The following TSPAN5 variants were observed in gnomAD, a reference collection of about 807,000 sequenced individuals.
TSPAN5 encodes the protein tetraspanin-5.
Under a neutral mutation model 37.1 loss-of-function variants are expected in TSPAN5, and 10 were observed. The observed-to-expected ratio is 0.27, with a 90% CI of 0.17 to 0.46. The LOEUF (loss-of-function observed/expected upper bound fraction) is 0.46, where lower values mean the gene tolerates loss of function less well. Among genes scored for constraint, TSPAN5 ranks in the 20% least tolerant of loss-of-function variants. The pLI, the probability that TSPAN5 is intolerant of heterozygous loss-of-function variation, is 1.00. For missense variants in TSPAN5, 195 were observed against 326.6 expected, an observed-to-expected ratio of 0.60 and a Z score of 3.11; for synonymous variants, 110 against 118.9, an observed-to-expected ratio of 0.93 and a Z score of 0.48.
intron 1 of TSPAN5, among the ~76,000 whole-genome samples, chr4:98,582,059 G>C (rs1755380510): frequency 6.6e-6 from 1 of 152,200 alleles, no homozygotes; most frequent in Admixed American, 6.5e-5. Flanking sequence ...GTGGGACATG[G>C]GCTGTAGGGA....
At chr4:98,643,712 G>T (rs1757004622) in intron 1 of TSPAN5, among the ~76,000 whole-genome samples, 1 of 152,046 alleles carries the variant, frequency 6.6e-6, no homozygotes, top group Non-Finnish European at 1.5e-5. Context: ...GCAGGGTCAG[G>T]AAAAAATATG....
At chr4:98,541,390 A>G (rs1471220570) in intron 1 of TSPAN5, among the ~76,000 whole-genome samples, 2 of 152,002 alleles carry the variant, frequency 1.3e-5, no homozygotes, top group Admixed American at 1.3e-4. Context: ...AAAATGTGGG[A>G]TAGGCTGGGC....
chr4:98,470,899 A>G lies in TSPAN5; in HGVS notation c.*1623T>C, dbSNP rs1752567627. On this transcript the variant is annotated 3_prime_UTR_variant, in exon 8 of 8. Transcript: ENST00000305798. ...AAGTATTCTAGCTGGCTGCCCAGTTATGTGCTGGCAAATCTGTCCGCACCG... is the reference window on the plus strand; with the variant it reads ...AAGTATTCTAGCTGGCTGCCCAGTTGTGTGCTGGCAAATCTGTCCGCACCG... 1.3e-5 allele frequency: 2 copies of G among 152,238 alleles called. No homozygotes were observed. The highest frequency in any genetic ancestry group is 4.8e-5 in the African/African-American group (2 of 41,458). The allele number at this position is 152,238 out of a possible 1,614,324, so 9.4% of individuals were successfully genotyped here.
intron 2 of TSPAN5, among the ~76,000 whole-genome samples, chr4:98,498,185 C>T (rs1753259302): frequency 6.6e-6 from 1 of 152,142 alleles, no homozygotes; most frequent in Non-Finnish European, 1.5e-5. Flanking sequence ...ACCAGCCAGG[C>T]AGGCACTCTT....
chr4:98,612,974 C>A (rs960061592), intron 1 of TSPAN5, among the ~76,000 whole-genome samples: 22 of 152,178 alleles, frequency 1.4e-4, no homozygotes, highest in Admixed American at 7.2e-4. Flanking sequence ...TCACAATTTA[C>A]AATTATGGTT....
chr4:98,567,130 G>A (rs973408135), intron 1 of TSPAN5, among the ~76,000 whole-genome samples: 6 of 152,296 alleles, frequency 3.9e-5, no homozygotes, highest in African/African-American at 1.4e-4. Flanking sequence ...CCTACTCCCA[G>A]CACAAAATCC....
intron 1 of TSPAN5, among the ~76,000 whole-genome samples, chr4:98,518,094 CT>C (rs535091902): frequency 0.068 from 9,059 of 132,662 alleles, 755 homozygotes; most frequent in African/African-American, 0.21. Flanking sequence ...AACATCTTGA[CT>C]TTTTTTTTTT....
chr4:98,604,994 G>C (rs1755971530), intron 1 of TSPAN5, among the ~76,000 whole-genome samples: 1 of 151,968 alleles, frequency 6.6e-6, no homozygotes, highest in African/African-American at 2.4e-5. Context: ...ATCCCAAACT[G>C]AATTCACTCG....
At chr4:98,657,585 T>C (rs1437218174) in intron 1 of TSPAN5, 1 of 159,722 alleles carries the variant, frequency 6.3e-6, no homozygotes, top group Non-Finnish European at 1.4e-5. Flanking sequence ...GGAAACGTTA[T>C]TTACGTGCAA....
intron 2 of TSPAN5, among the ~76,000 whole-genome samples, chr4:98,497,830 G>A (rs1753250542): frequency 6.6e-6 from 1 of 152,148 alleles, no homozygotes; most frequent in Non-Finnish European, 1.5e-5. Context: ...GGGGTGCATG[G>A]GGAGGGGCAG....
intron 1 of TSPAN5, among the ~76,000 whole-genome samples, chr4:98,616,757 G>A (rs1031189796): frequency 6.6e-6 from 1 of 151,946 alleles, no homozygotes; most frequent in African/African-American, 2.4e-5. Flanking sequence ...ACAACAAATG[G>A]GACAAGATCA....
chr4:98,599,751 T>A (rs1232349911), intron 1 of TSPAN5, among the ~76,000 whole-genome samples: 1 of 152,242 alleles, frequency 6.6e-6, no homozygotes, highest in Non-Finnish European at 1.5e-5. Context: ...GTTGTATGTA[T>A]CTGTAAATTT....
chr4:98,563,747 T>G (rs1323236563), intron 1 of TSPAN5, among the ~76,000 whole-genome samples: 1 of 152,220 alleles, frequency 6.6e-6, no homozygotes, highest in Non-Finnish European at 1.5e-5. Flanking sequence ...TAGCAAGACG[T>G]GCTGTGTCAA....
intron 1 of TSPAN5, among the ~76,000 whole-genome samples, chr4:98,585,678 T>G (rs1560547660): frequency 6.6e-6 from 1 of 152,210 alleles, no homozygotes; most frequent in Non-Finnish European, 1.5e-5. Flanking sequence ...GAACATGTAG[T>G]ATTTTACTTT....
chr4:98,537,075 G>A (rs1489827859), intron 1 of TSPAN5, among the ~76,000 whole-genome samples: 4 of 152,180 alleles, frequency 2.6e-5, no homozygotes, highest in Non-Finnish European at 4.4e-5. Flanking sequence ...CTAGTTCGGC[G>A]TCTGCCCAAA....
intron 1 of TSPAN5, among the ~76,000 whole-genome samples, chr4:98,533,541 A>ATATTTTTTTTT (rs1754149539): frequency 3.0e-5 from 1 of 33,420 alleles, no homozygotes; most frequent in South Asian, 1.8e-3. Context: ...TATCCCCTAT[A>ATATTTTTTTTT]TCTTTTTTTT....
rs28649922 is a variant in TSPAN5, at chr4:98,471,986, G to A, written c.*536C>T. The A allele has an allele frequency of 0.05, 7,691 of 152,316 alleles. 460 individuals carry two copies. Among genetic ancestry groups the A allele is most frequent in the African/African-American group, 0.15 (6,212 of 41,500 alleles). The allele number at this position is 152,316 out of a possible 1,614,324, so 9.4% of individuals were successfully genotyped here. A position where few individuals can be genotyped will look rare whatever the true frequency, so the allele number is the denominator to read the frequency against. On this transcript the variant is annotated 3_prime_UTR_variant, in exon 8 of 8. Transcript: ENST00000305798. The stretch of plus-strand genomic sequence containing the variant: ...CATCACAAAATCTGAACCCAAAGAT[G>A]AGTTGTTTTCTTCTTCAGATGAGAG...
chr4:98,521,846 T>TA (rs1002570767), intron 1 of TSPAN5, among the ~76,000 whole-genome samples: 1 of 55,436 alleles, frequency 1.8e-5, no homozygotes, highest in South Asian at 9.9e-4. Flanking sequence ...GTGGGTTCTG[T>TA]TTTTTTTGTT....
In TSPAN5 at chr4:98,478,701, C is replaced by A. The variant is rs1752762949; in HGVS notation, c.560G>T (p.Cys187Phe). The A allele has an allele frequency of 6.2e-7, 1 of 1,614,140 alleles. No homozygotes were observed. Residue 187 changes from cysteine (C) to phenylalanine (F), a missense_variant, in exon 5 of 8, where the codon TGC (cysteine) becomes TTC (phenylalanine). Cys to Phe is a radical substitution (Grantham distance 205). Transcript: ENST00000305798. ...TTCACTTACTGCGGGATCTTTAGTGCAGCAGGAGAATGGAACGCCACATCG... is the reference window on the plus strand; with the variant it reads ...TTCACTTACTGCGGGATCTTTAGTGAAGCAGGAGAATGGAACGCCACATCG... The part of the protein sequence containing the change: ...RERCGVPFSC[C>F]TKDPAEDVIN...
Sources: gnomAD v4.1 joint callset for allele counts (sites outside exome capture counted in the v4.1 genomes callset) on GRCh38, gnomAD v4.1.1 for gene constraint, MANE v1.5 for transcripts, NCBI Gene and HGNC (gene_info 2026-07-23, HGNC 2026-07-21) for gene names.